Variants in ZNF410 observed in about 807,000 individuals in gnomAD.
The protein encoded by ZNF410 is another partner for ARF 1.
ZNF410 carries 18 observed loss-of-function variants against 54.8 expected under a neutral mutation model. The ratio of observed to expected loss-of-function variants is 0.33; its 90% CI spans 0.23 to 0.49. The LOEUF is 0.49. Ranked by LOEUF, ZNF410 falls within the 20% of genes least tolerant of loss-of-function variation. ZNF410 has a pLI of 0.99. For missense variants in ZNF410, 405 were observed against 569.6 expected, an observed-to-expected ratio of 0.71 and a Z score of 2.94; for synonymous variants, 191 against 207.3, an observed-to-expected ratio of 0.92 and a Z score of 0.68.
chr14:73,889,571 C>G (rs72627119), intron 1 of ZNF410, among the ~76,000 whole-genome samples: 23,307 of 151,868 alleles, frequency 0.15, 2,354 homozygotes, highest in East Asian at 0.49. Flanking sequence ...CTGCATACTT[C>G]TGGTGTGGGT....
intron 11 of ZNF410, chr14:73,927,000 C>T (rs939172204): frequency 1.3e-5 from 2 of 152,982 alleles, no homozygotes; most frequent in Non-Finnish European, 2.9e-5. Context: ...TTTTGGCAAC[C>T]ATTACTGATC....
At chr14:73,918,793 G>C (rs1205265359) in intron 8 of ZNF410, among the ~76,000 whole-genome samples, 1 of 142,154 alleles carries the variant, frequency 7.0e-6, no homozygotes, top group African/African-American at 2.6e-5. Context: ...CTGCCTCCTC[G>C]GTTCACGCCA....
Position 73,932,510 on chromosome 14 carries a change from T to G in ZNF410, c.*969T>G, listed in dbSNP as rs751422334. ...AAATGGCAATAAAAACAGATACTTC[T>G]GAATTTTTCCACAAAGATAGTTTTT... On this transcript the variant is annotated 3_prime_UTR_variant, in exon 12 of 12. Coordinates refer to ENST00000555044, the MANE Select transcript of ZNF410 (RefSeq NM_021188.3). 13 of 447,214 alleles carry G rather than the reference T, an allele frequency of 2.9e-5. No homozygotes were observed. The highest frequency in any genetic ancestry group is 2.1e-4 in the South Asian group (13 of 62,336). The allele number at this position is 447,214 out of a possible 1,614,324, so 27.7% of individuals were successfully genotyped here.
chr14:73,924,182 C>T (rs2055795133), intron 11 of ZNF410, among the ~76,000 whole-genome samples: 1 of 152,310 alleles, frequency 6.6e-6, no homozygotes, highest in Middle Eastern at 3.4e-3. Flanking sequence ...GGTTTCGTTT[C>T]ACCTCAGGTC....
At chr14:73,888,216 T>C (rs2140288725) in intron 1 of ZNF410, 1 of 152,230 alleles carries the variant, frequency 6.6e-6, no homozygotes, top group South Asian at 2.1e-4. Context: ...AAATAGGTAA[T>C]ACAAGAAGAA....
At chr14:73,929,782 A>G (rs1252748044) in intron 11 of ZNF410, among the ~76,000 whole-genome samples, 2 of 151,850 alleles carry the variant, frequency 1.3e-5, no homozygotes, top group Non-Finnish European at 2.9e-5. Context: ...TTGCCACTAC[A>G]CTGCAGTCTG....
chr14:73,905,930 TACATAC>T, intron 7 of ZNF410, among the ~76,000 whole-genome samples: 1 of 138,264 alleles, frequency 7.2e-6, no homozygotes, highest in Admixed American at 7.7e-5. Flanking sequence ...TATATACACA[TACATAC>T]ATATATATAC....
In ZNF410 at chr14:73,903,977, G is replaced by C; in HGVS notation, c.598G>C (p.Gly200Arg). ...TSSNGENVHL[G>R]SGDGQSKDSG... ...TGTTACAGGAGAAAATGTCCACCTT[G>C]GTTCTGGTGATGGGCAGTCAAAAGA... Residue 200 changes from glycine to arginine, a missense_variant, in exon 6 of 12, where the codon GGT becomes CGT. Coordinates refer to ENST00000555044, the MANE Select transcript of ZNF410 (RefSeq NM_021188.3). 1 of 1,614,198 alleles carries C rather than the reference G, an allele frequency of 6.2e-7. No individual in the cohort carries two copies. The highest frequency in any genetic ancestry group is 8.5e-7 in the Non-Finnish European group (1 of 1,180,028).
chr14:73,926,276 C>T (rs1422572610), intron 11 of ZNF410, among the ~76,000 whole-genome samples: 1 of 152,012 alleles, frequency 6.6e-6, no homozygotes, highest in Non-Finnish European at 1.5e-5. Flanking sequence ...TTTTTTTCCT[C>T]CCCCTCAAAA....
intron 11 of ZNF410, among the ~76,000 whole-genome samples, chr14:73,927,484 CATT>C (rs2055850765): frequency 6.6e-6 from 1 of 152,168 alleles, no homozygotes; most frequent in African/African-American, 2.4e-5. Context: ...ACCTAGTACA[CATT>C]ATTATTCGAG....
intron 1 of ZNF410, among the ~76,000 whole-genome samples, chr14:73,889,431 C>CAAAAAAAAA (rs11330316): frequency 2.4e-5 from 2 of 84,978 alleles, no homozygotes; most frequent in Admixed American, 1.3e-4. Flanking sequence ...GACTCAGTCT[C>CAAAAAAAAA]AAAAAAAAAA....
chr14:73,922,976 G>A (rs561132532), intron 10 of ZNF410: 1 of 152,738 alleles, frequency 6.5e-6, no homozygotes, highest in East Asian at 1.9e-4. Flanking sequence ...GATTTTCATG[G>A]TGATCCCACT....
intron 8 of ZNF410, 51 bp from the exon 9 acceptor site, chr14:73,920,929 A>T (rs2055745926): frequency 1.2e-6 from 2 of 1,609,040 alleles, no homozygotes; most frequent in Non-Finnish European, 8.5e-7. Flanking sequence ...TCTTGAGTTC[A>T]TTCTCTTCCT....
chr14:73,932,138 A>G lies in ZNF410; in HGVS notation c.*597A>G, dbSNP rs2055925821. On this transcript the variant is annotated 3_prime_UTR_variant, in exon 12 of 12. Transcript: ENST00000555044. Reference sequence around the variant, plus strand: ...GTACTATCTTGTCCTATACACTTCTACTTGGTCACTTTGCTTTCTTCGTTA... The same window carrying G: ...GTACTATCTTGTCCTATACACTTCTGCTTGGTCACTTTGCTTTCTTCGTTA... 6 of 385,414 alleles carry G rather than the reference A, an allele frequency of 1.6e-5. No homozygotes were observed. Among genetic ancestry groups the G allele is most frequent in the South Asian group, 1.1e-4 (6 of 52,832 alleles). 23.9% of individuals were successfully genotyped at this position (385,414 alleles called of 1,614,324 possible).
intron 7 of ZNF410, among the ~76,000 whole-genome samples, chr14:73,909,039 C>T (rs2055535690): frequency 6.6e-6 from 1 of 152,132 alleles, no homozygotes; most frequent in Admixed American, 6.6e-5. Context: ...ATCTTGATAT[C>T]CTCAGATGGT....
Position 73,931,516 on chromosome 14 carries a change from G to A in ZNF410, c.1412G>A (p.Gly471Glu), listed in dbSNP as rs188327661. ...AVNPQELLNQ[G>E]DLTERRT is the part of the protein sequence containing the mutation. The stretch of plus-strand genomic sequence containing the variant: ...AATCTTTTACAGTTACTAAACCAAG[G>A]AGATTTAACTGAAAGACGGACATGA... Residue 471 changes from glycine to glutamate, a missense_variant, in exon 12 of 12, where the codon GGA (glycine) becomes GAA (glutamate). Physicochemically the swap from Gly to Glu is moderately conservative, Grantham distance 98 (BLOSUM62 -2). Coordinates refer to ENST00000555044, the MANE Select transcript of ZNF410 (RefSeq NM_021188.3). 6 of 1,605,884 alleles carry A rather than the reference G, an allele frequency of 3.7e-6. No individual in the cohort carries two copies. Among genetic ancestry groups the A allele is most frequent in the East Asian group, 2.2e-5 (1 of 44,792 alleles).
At chr14:73,904,198 T>C in intron 6 of ZNF410, 88 bp downstream of exon 6, 4 of 1,458,338 alleles carry the variant, frequency 2.7e-6, no homozygotes. Context: ...GTTGACAAAT[T>C]ACAGGAAAGT....
At chr14:73,929,221 C>T (rs963117518) in intron 11 of ZNF410, among the ~76,000 whole-genome samples, 1 of 151,906 alleles carries the variant, frequency 6.6e-6, no homozygotes, top group African/African-American at 2.4e-5. Flanking sequence ...TTATCCCCTC[C>T]TTTTCTTTCT....
At chr14:73,891,579 A>G (rs575292931) in intron 1 of ZNF410, among the ~76,000 whole-genome samples, 22 of 152,162 alleles carry the variant, frequency 1.4e-4, no homozygotes, top group Admixed American at 1.0e-3. Context: ...GTCTCGAACT[A>G]TTGACCTCAA....
Sources: allele counts gnomAD v4.1 joint callset (sites outside exome capture counted in the v4.1 genomes callset), GRCh38; gene constraint gnomAD v4.1.1; transcripts MANE v1.5; gene names NCBI Gene and HGNC (gene_info 2026-07-23, HGNC 2026-07-21).